The following STXBP6 variants were observed in gnomAD, a reference collection of about 807,000 sequenced individuals.
STXBP6 encodes syntaxin-binding protein 6.
In STXBP6, 21 loss-of-function variants were observed where a neutral mutation model predicts 26.9. That is an observed-to-expected ratio of 0.78 (90% CI 0.55 to 1.12). STXBP6 has a LOEUF of 1.12. Among genes scored for constraint, STXBP6 ranks in the 50% most tolerant of loss-of-function variants. The pLI is 0.00. For missense variants in STXBP6, 232 were observed against 257.9 expected, an observed-to-expected ratio of 0.90 and a Z score of 0.69; for synonymous variants, 97 against 92.6, an observed-to-expected ratio of 1.05 and a Z score of -0.27.
intron 2 of STXBP6, among the ~76,000 whole-genome samples, chr14:24,859,936 C>T (rs1188123185): frequency 2.0e-5 from 3 of 152,194 alleles, no homozygotes; most frequent in African/African-American, 7.2e-5. Context: ...CAATTCAGGC[C>T]GCTTTGCTAT....
intron 2 of STXBP6, among the ~76,000 whole-genome samples, chr14:24,867,089 A>G (rs1175591468): frequency 6.6e-6 from 1 of 152,138 alleles, no homozygotes; most frequent in Non-Finnish European, 1.5e-5. Flanking sequence ...CAACAGTATT[A>G]AGAGTTGGGC....
chr14:24,965,158 A>G (rs2073692997), intron 2 of STXBP6, among the ~76,000 whole-genome samples: 2 of 151,416 alleles, frequency 1.3e-5, no homozygotes, highest in African/African-American at 2.4e-5. Context: ...TGACCTTGAG[A>G]TTCCTGTCAG....
chr14:24,945,944 T>C (rs751305869), intron 2 of STXBP6, among the ~76,000 whole-genome samples: 5 of 152,204 alleles, frequency 3.3e-5, no homozygotes, highest in African/African-American at 4.8e-5. Context: ...AGTAGAACAA[T>C]GATGTGGATC....
intron 2 of STXBP6, among the ~76,000 whole-genome samples, chr14:24,932,043 A>G (rs182486496): frequency 5.9e-5 from 9 of 152,330 alleles, no homozygotes; most frequent in Admixed American, 2.0e-4. Context: ...AAAAAAAAGC[A>G]GTACTAGATC....
chr14:24,975,159 C>T (rs1367709935), intron 1 of STXBP6, among the ~76,000 whole-genome samples: 2 of 152,180 alleles, frequency 1.3e-5, no homozygotes, highest in Non-Finnish European at 2.9e-5. Flanking sequence ...CTCCCTCTAA[C>T]TGGCAAGCAG....
intron 1 of STXBP6, among the ~76,000 whole-genome samples, chr14:25,014,828 G>GA (rs757581245): frequency 5.3e-5 from 8 of 152,148 alleles, no homozygotes; most frequent in Non-Finnish European, 1.0e-4. Flanking sequence ...CACATAAAAA[G>GA]AAAATACATG....
At chr14:25,045,103 A>G (rs772092240) in intron 1 of STXBP6, among the ~76,000 whole-genome samples, 2 of 152,180 alleles carry the variant, frequency 1.3e-5, no homozygotes, top group Non-Finnish European at 2.9e-5. Flanking sequence ...CCCACCCACA[A>G]TATTAAATCA....
intron 4 of STXBP6, among the ~76,000 whole-genome samples, chr14:24,844,664 T>C (rs907515328): frequency 2.6e-5 from 4 of 152,122 alleles, no homozygotes; most frequent in Non-Finnish European, 4.4e-5. Context: ...TTCAACGGTA[T>C]AGTGAAGGGA....
intron 2 of STXBP6, among the ~76,000 whole-genome samples, chr14:24,918,113 G>T (rs931209139): frequency 6.6e-6 from 1 of 152,024 alleles, no homozygotes; most frequent in Non-Finnish European, 1.5e-5. Flanking sequence ...GCTGGGGGAG[G>T]TTGTATCTAA....
intron 2 of STXBP6, among the ~76,000 whole-genome samples, chr14:24,934,913 CT>C (rs1290572248): frequency 6.6e-6 from 1 of 151,992 alleles, no homozygotes. Flanking sequence ...GATATTAATA[CT>C]CTTTTTAAAA....
chr14:24,979,183 C>T (rs1417989478), intron 1 of STXBP6, among the ~76,000 whole-genome samples: 1 of 152,260 alleles, frequency 6.6e-6, no homozygotes, highest in Non-Finnish European at 1.5e-5. Context: ...CTCCTCTGTT[C>T]TGATCCCATG....
intron 2 of STXBP6, among the ~76,000 whole-genome samples, chr14:24,943,001 A>T (rs930585151): frequency 1.3e-5 from 2 of 152,264 alleles, no homozygotes; most frequent in African/African-American, 4.8e-5. Context: ...AATCAGTTTC[A>T]GAAAGGTGAA....
chr14:24,986,644 C>T (rs996404435), intron 1 of STXBP6, among the ~76,000 whole-genome samples: 6 of 152,112 alleles, frequency 3.9e-5, no homozygotes, highest in Admixed American at 1.3e-4. Flanking sequence ...ACCCTTCAGC[C>T]GCAGCACAAA....
At chr14:24,940,971 C>T (rs190580790) in intron 2 of STXBP6, among the ~76,000 whole-genome samples, 83 of 152,192 alleles carry the variant, frequency 5.5e-4, no homozygotes, top group Admixed American at 1.2e-3. Flanking sequence ...GCCAAGATTG[C>T]GCCACTGCAC....
intron 1 of STXBP6, among the ~76,000 whole-genome samples, chr14:25,037,177 A>G (rs78223726): frequency 0.04 from 6,019 of 152,238 alleles, 371 homozygotes; most frequent in African/African-American, 0.13. Flanking sequence ...AGTGTCCTGA[A>G]GCCTGACACA....
chr14:25,006,956 C>T (rs2074914988), intron 1 of STXBP6, among the ~76,000 whole-genome samples: 1 of 152,128 alleles, frequency 6.6e-6, no homozygotes, highest in Non-Finnish European at 1.5e-5. Context: ...TGGCTAAACA[C>T]ACACTCCGAC....
intron 2 of STXBP6, among the ~76,000 whole-genome samples, chr14:24,921,508 C>T (rs986632936): frequency 6.6e-6 from 1 of 152,232 alleles, no homozygotes; most frequent in South Asian, 2.1e-4. Context: ...AGAGATGTCT[C>T]GTTTAGCATT....
intron 1 of STXBP6, among the ~76,000 whole-genome samples, chr14:24,997,716 A>T (rs2074641005): frequency 6.6e-6 from 1 of 152,174 alleles, no homozygotes; most frequent in Admixed American, 6.5e-5. Context: ...CTGTAAATCC[A>T]CCCTTCAGAG....
At chr14:24,966,656 T>C (rs2073743364) in intron 2 of STXBP6, among the ~76,000 whole-genome samples, 1 of 152,190 alleles carries the variant, frequency 6.6e-6, no homozygotes, top group Admixed American at 6.5e-5. Flanking sequence ...TATCACTGGT[T>C]TTCACAGGAA....
Sources: gnomAD v4.1 joint callset for allele counts (sites outside exome capture counted in the v4.1 genomes callset) on GRCh38, gnomAD v4.1.1 for gene constraint, MANE v1.5 for transcripts, NCBI Gene and HGNC (gene_info 2026-07-23, HGNC 2026-07-21) for gene names.